The following HSPA12A variants were observed in gnomAD, a reference collection of about 807,000 sequenced individuals.
HSPA12A encodes the protein heat shock 70 kDa protein 12A.
Under a neutral mutation model 69.2 loss-of-function variants are expected in HSPA12A, and 28 were observed. That is an observed-to-expected ratio of 0.40 (90% CI 0.30 to 0.55). The LOEUF (loss-of-function observed/expected upper bound fraction) is 0.55, where lower values mean the gene tolerates loss of function less well. HSPA12A is among the 20% of genes least tolerant of loss of function. The probability of loss-of-function intolerance (pLI) is 0.38; values close to 1 mark genes in which losing one functional copy is unlikely to be tolerated. For missense variants in HSPA12A, 686 were observed against 900.7 expected, an observed-to-expected ratio of 0.76 and a Z score of 3.05; for synonymous variants, 345 against 370.5, an observed-to-expected ratio of 0.93 and a Z score of 0.79.
chr10:116,842,188 T>C (rs764889713), intron 1 of HSPA12A, among the ~76,000 whole-genome samples: 1 of 152,296 alleles, frequency 6.6e-6, no homozygotes, highest in Non-Finnish European at 1.5e-5. Flanking sequence ...AACAATTTAT[T>C]AATACTCATT....
chr10:116,744,323 C>G (rs576555442), upstream of HSPA12A, among the ~76,000 whole-genome samples: 1 of 152,370 alleles, frequency 6.6e-6, no homozygotes, highest in South Asian at 2.1e-4. Flanking sequence ...GGAAGGCTCC[C>G]CTGCATACCC....
Position 116,779,795 on chromosome 10 carries a change from G to T in HSPA12A, c.91+55140C>A, listed in dbSNP as rs150434623. On this transcript the variant is annotated intron_variant, in intron 2 of 12. Coordinates refer to the HSPA12A transcript ENST00000635765. Reference sequence around the variant, plus strand: ...CCCAATGTGAAGGGAAAACAGGGTGGGTGTGTGTAAAGAGGAGCTAGCAGG... The same window carrying T: ...CCCAATGTGAAGGGAAAACAGGGTGTGTGTGTGTAAAGAGGAGCTAGCAGG... 2.3e-3 allele frequency among the ~76,000 whole-genome samples: 352 copies of T among 152,162 alleles called. 3 individuals carry two copies. Among genetic ancestry groups the T allele is most frequent in the African/African-American group, 8.0e-3 (330 of 41,504 alleles).
rs782470572 is a variant in HSPA12A, at chr10:116,675,301, C to T, written c.1508G>A (p.Arg503Gln). The T allele has an allele frequency of 1.4e-5, 23 of 1,613,246 alleles. No homozygotes were observed. The highest frequency in any genetic ancestry group is 8.9e-5 in the East Asian group (4 of 44,880). Residue 503 changes from arginine (R) to glutamine (Q), a missense_variant, in exon 12 of 12, where the codon CGG becomes CAG. Coordinates refer to ENST00000369209, the MANE Select transcript of HSPA12A (RefSeq NM_025015.3). This position sits in a 1 kb window ranked among gnomAD's most constrained non-coding sequence, Gnocchi z 5.2. The stretch of plus-strand genomic sequence containing the variant: ...GCCCACGTCCTGGGGGATGATGATC[C>T]GGCACTGGTCCCCAAAAGCAGCCTG... ...AVQAAFGDQC[R>Q]IIIPQDVGLT...
At chr10:116,715,880 C>T (rs782248516) in intron 1 of HSPA12A, among the ~76,000 whole-genome samples, 13 of 152,188 alleles carry the variant, frequency 8.5e-5, no homozygotes, top group Non-Finnish European at 1.5e-4. Context: ...GGACCTGGGT[C>T]TCAGGGTGGG....
intron 2 of HSPA12A, among the ~76,000 whole-genome samples, chr10:116,808,963 G>A (rs1245803049): frequency 6.6e-6 from 1 of 152,214 alleles, no homozygotes; most frequent in African/African-American, 2.4e-5. Context: ...GGAGTGGGAG[G>A]CAAGTCGGGA....
chr10:116,763,283 T>C (rs782045087), intron 2 of HSPA12A, among the ~76,000 whole-genome samples: 4 of 152,208 alleles, frequency 2.6e-5, no homozygotes, highest in South Asian at 2.1e-4. Flanking sequence ...AATGTACATA[T>C]GGGCTAGGAG....
chr10:116,700,866 C>T (rs1850058665), intron 4 of HSPA12A, 77 bp downstream of exon 4: 2 of 1,455,380 alleles, frequency 1.4e-6, no homozygotes, highest in Non-Finnish European at 1.9e-6. Context: ...GGAGGACATC[C>T]CTTCCCCACC....
intron 2 of HSPA12A, among the ~76,000 whole-genome samples, chr10:116,796,466 T>C (rs1816223396): frequency 6.6e-6 from 1 of 152,110 alleles, no homozygotes; most frequent in Non-Finnish European, 1.5e-5. Context: ...CTTGCTGCTC[T>C]GGGTCTCTGG....
intron 2 of HSPA12A, among the ~76,000 whole-genome samples, chr10:116,773,179 A>T (rs1238094289): frequency 1.3e-5 from 2 of 152,216 alleles, no homozygotes; most frequent in Non-Finnish European, 2.9e-5. Context: ...GCAAGGTCCC[A>T]GGGAGGCAAG....
At chr10:116,707,157 A>ACACACACACACACACGCG in intron 2 of HSPA12A, 43 bp downstream of exon 2, 1 of 355,726 alleles carries the variant, frequency 2.8e-6, no homozygotes, top group Non-Finnish European at 4.1e-6. Context: ...ATGCGCGCAC[A>ACACACACACACACACGCG]CACACACACA....
chr10:116,787,753 A>G (rs1052598216), intron 2 of HSPA12A, among the ~76,000 whole-genome samples: 2 of 152,170 alleles, frequency 1.3e-5, no homozygotes, highest in Non-Finnish European at 2.9e-5. Flanking sequence ...AAAACTTCAG[A>G]AGGTGAAAAG....
chr10:116,815,861 G>A (rs1347580294), intron 2 of HSPA12A, among the ~76,000 whole-genome samples: 2 of 152,192 alleles, frequency 1.3e-5, no homozygotes, highest in Non-Finnish European at 2.9e-5. Flanking sequence ...CAGTGCATCT[G>A]TAAGACAAAA....
At chr10:116,748,892 A>G (rs1364495690) in intron 2 of HSPA12A, among the ~76,000 whole-genome samples, 1 of 152,152 alleles carries the variant, frequency 6.6e-6, no homozygotes, top group Non-Finnish European at 1.5e-5. Context: ...CAGCCAAACC[A>G]TATCACTGGG....
chr10:116,789,069 T>C (rs1393083941), intron 2 of HSPA12A, among the ~76,000 whole-genome samples: 1 of 152,098 alleles, frequency 6.6e-6, no homozygotes, highest in Non-Finnish European at 1.5e-5. Context: ...TTTCACCATG[T>C]TGGCCAGGCT....
intron 4 of HSPA12A, among the ~76,000 whole-genome samples, chr10:116,700,463 CATA>C (rs1850049004): frequency 6.6e-6 from 1 of 152,136 alleles, no homozygotes; most frequent in South Asian, 2.1e-4. Context: ...CCCCTCCCCA[CATA>C]AAGAGCTGGA....
intron 2 of HSPA12A, chr10:116,827,524 C>A (rs1845530944): frequency 6.6e-6 from 1 of 152,308 alleles, no homozygotes; most frequent in Non-Finnish European, 1.5e-5. Context: ...GGTGCCACCA[C>A]CACCACGTGA....
At chr10:116,778,845 G>T (rs1554891450) in intron 2 of HSPA12A, among the ~76,000 whole-genome samples, 1 of 152,210 alleles carries the variant, frequency 6.6e-6, no homozygotes. Flanking sequence ...TGAGGCAGGA[G>T]GATCGCTAGA....
intron 1 of HSPA12A, among the ~76,000 whole-genome samples, chr10:116,720,779 G>A (rs1850752657): frequency 6.6e-6 from 1 of 152,250 alleles, no homozygotes; most frequent in African/African-American, 2.4e-5. Context: ...GCAGGGAGGT[G>A]TGCAGGAACC....
In HSPA12A at chr10:116,675,568, C is replaced by T. The variant is rs1053842455; in HGVS notation, c.1391-150G>A. 5 of 781,500 alleles carry T rather than the reference C, an allele frequency of 6.4e-6. No individual in the cohort carries two copies. The East Asian group carries it at 1.4e-4, about 21-fold the overall frequency. 48.4% of individuals were successfully genotyped at this position (781,500 alleles called of 1,614,324 possible). A position where few individuals can be genotyped will look rare whatever the true frequency, so the allele number is the denominator to read the frequency against. ...CTGAGCTCCTTGAACAGAATCTTTG[C>T]AGAACTGGTCTTTTAAAGAAAGGGA... is the stretch of plus-strand genomic sequence containing the variant. On this transcript the variant is annotated intron_variant, in intron 11 of 11. Transcript: ENST00000369209. This position sits in a 1 kb window ranked among gnomAD's most constrained non-coding sequence, Gnocchi z 5.2.
Sources: gnomAD v4.1 joint callset for allele counts (sites outside exome capture counted in the v4.1 genomes callset) on GRCh38, gnomAD v4.1.1 for gene constraint, Gnocchi (gnomAD v3.1) non-coding constraint, MANE v1.5 for transcripts, NCBI Gene and HGNC (gene_info 2026-07-23, HGNC 2026-07-21) for gene names.